DPPA4: variants seen among roughly 807,000 people sequenced by gnomAD.
The protein encoded by DPPA4 is developmental pluripotency associated 4, also known as developmental pluripotency-associated protein 4.
A neutral mutation model predicts 33.7 loss-of-function variants in DPPA4; 22 were observed. The observed-to-expected ratio is 0.65, with a 90% CI of 0.47 to 0.93. DPPA4 has a LOEUF of 0.93. Among genes scored for constraint, DPPA4 ranks in the 40% least tolerant of loss-of-function variants. The pLI is 0.00. For synonymous variants in DPPA4, 156 were observed against 132.3 expected (o/e 1.18, Z -1.23); for missense variants, 340 against 358.6 (o/e 0.95, Z 0.42).
intron 5 of DPPA4, 188 bp downstream of exon 5, chr3:109,330,333 GAAA>G (rs5851663): frequency 4.2e-5 from 17 of 409,548 alleles, no homozygotes; most frequent in East Asian, 7.7e-5. Context: ...AAAAAAAAAG[GAAA>G]AAAAAAAAAG....
At chr3:109,332,475 C>T (rs1708104006) in intron 2 of DPPA4, among the ~76,000 whole-genome samples, 1 of 152,116 alleles carries the variant, frequency 6.6e-6, no homozygotes, top group Non-Finnish European at 1.5e-5. Context: ...AGTTTTATTC[C>T]TAAATTGCCC....
chr3:109,336,108 G>A (rs933253846), intron 1 of DPPA4, among the ~76,000 whole-genome samples: 1 of 151,244 alleles, frequency 6.6e-6, no homozygotes, highest in African/African-American at 2.4e-5. Context: ...AGCCGAGATC[G>A]GCTACTGCAC....
In DPPA4 at chr3:109,328,916, A is replaced by G; in HGVS notation, c.852T>C (p.Asn284=). The G allele has an allele frequency of 6.2e-7, 1 of 1,613,956 alleles. No homozygotes were observed. The highest frequency in any genetic ancestry group is 8.5e-7 in the Non-Finnish European group (1 of 1,179,928). Residue 284 remains asparagine, a synonymous_variant, in exon 6 of 7, where the codon AAT becomes AAC. Transcript: ENST00000335658. ...TGTGAACACATTTGGGGCACAACAT[A>G]TTGTCTTCAAGGTGCGGGGGTGGAA... ...SNFPPPHLED[N]MLCPKCVHRN...
intron 1 of DPPA4, among the ~76,000 whole-genome samples, chr3:109,334,301 C>CTA (rs57838014): frequency 6.6e-6 from 1 of 152,278 alleles, no homozygotes; most frequent in East Asian, 1.9e-4. Context: ...AGTCTGAGTG[C>CTA]TATAGGAGGC....
Position 109,331,719 on chromosome 3 carries a change from C to T in DPPA4, c.390+15G>A. The T allele has an allele frequency of 6.2e-7, 1 of 1,613,006 alleles. No individual in the cohort carries two copies. The highest frequency in any genetic ancestry group is 8.5e-7 in the Non-Finnish European group (1 of 1,179,184). ...TTAGGATAAGCATTGAAACGTCCATCCTTTAAAAAGTTACCTTTTGATTTG... is the reference window on the plus strand; with the variant it reads ...TTAGGATAAGCATTGAAACGTCCATTCTTTAAAAAGTTACCTTTTGATTTG... On this transcript the variant is annotated intron_variant, in intron 4 of 6. Coordinates refer to ENST00000335658, the MANE Select transcript of DPPA4 (RefSeq NM_018189.4).
At chr3:109,339,031 T>TA (rs934750575), upstream of DPPA4, among the ~76,000 whole-genome samples, 8 of 151,454 alleles carry the variant, frequency 5.3e-5, no homozygotes, top group Admixed American at 4.0e-4. Flanking sequence ...CCTTCTCTAC[T>TA]AAAAATGCAA....
At chr3:109,330,453 G>A (rs1307223240) in intron 5 of DPPA4, 71 bp downstream of exon 5, 1 of 1,559,716 alleles carries the variant, frequency 6.4e-7, no homozygotes, top group Non-Finnish European at 8.8e-7. Flanking sequence ...ACCCTAAAAT[G>A]TACCAGTGAT....
chr3:109,330,332 GGA>G lies in DPPA4; in HGVS notation c.679+190_679+191del, dbSNP rs1559707748. 1.7e-4 allele frequency: 55 copies of G among 331,750 alleles called. No individual in the cohort carries two copies. In the African/African-American group the frequency reaches 2.8e-3, roughly 17 times the overall value. The allele number at this position is 331,750 out of a possible 1,614,324, so 20.6% of individuals were successfully genotyped here. ...AAAAAAAAAAAAAAAAAAAAAAAAA[GGA>G]AAAAAAAAAAAGAAATGCAAATAAA... On this transcript the variant is annotated intron_variant, in intron 5 of 6. Coordinates refer to ENST00000335658, the MANE Select transcript of DPPA4 (RefSeq NM_018189.4).
intron 2 of DPPA4, chr3:109,333,374 AAAAAAC>A (rs1708123947): frequency 7.0e-6 from 1 of 142,748 alleles, no homozygotes; most frequent in African/African-American, 2.6e-5. Flanking sequence ...AAAAAAAAAA[AAAAAAC>A]CAGCCTGTAA....
rs1483232084 is a variant in DPPA4 at position 109,330,720 on chromosome 3, A to G, written c.483T>C (p.Ser161=). The change falls in exon 5 of 7, where the codon TCT becomes TCC. Residue 161 remains serine, a synonymous_variant. Transcript: ENST00000335658. ...GAGCCACTTCAGGAGGATGTGTCTC[A>G]GAACTTTGCAGGGACGTTTCCCCCT... ...VEKGETSLQS[S]ETHPPEVALP... The G allele has an allele frequency of 6.2e-7, 1 of 1,614,154 alleles. No individual in the cohort carries two copies. The highest frequency in any genetic ancestry group is 1.1e-5 in the South Asian group (1 of 91,076).
chr3:109,331,253 T>A (rs1363472937), intron 4 of DPPA4, among the ~76,000 whole-genome samples: 3 of 72,286 alleles, frequency 4.2e-5, no homozygotes, highest in Non-Finnish European at 7.1e-5. Context: ...AGAGGGAGAC[T>A]CTGTCTCAAA....
upstream of DPPA4, among the ~76,000 whole-genome samples, chr3:109,339,603 C>CA (rs1708274124): frequency 6.6e-6 from 1 of 151,660 alleles, no homozygotes; most frequent in Admixed American, 6.6e-5. Flanking sequence ...ACCAAAAATA[C>CA]AAAAAATTAC....
Position 109,333,917 on chromosome 3 carries a change from G to A in DPPA4, c.131C>T (p.Thr44Ile). The A allele has an allele frequency of 1.2e-6, 2 of 1,614,062 alleles. No individual in the cohort carries two copies. The highest frequency in any genetic ancestry group is 2.2e-5 in the East Asian group (1 of 44,882). ...TTTTTCTTTGGTTCTCTTTGCTGATGTTCCTGGCAAAGCAATTGAATTTGG... is the reference window on the plus strand; with the variant it reads ...TTTTTCTTTGGTTCTCTTTGCTGATATTCCTGGCAAAGCAATTGAATTTGG... ...NQPNSIALPGTSAKRTKEKMS... is the reference protein window; with the variant it reads ...NQPNSIALPGISAKRTKEKMS... Residue 44 changes from threonine (T) to isoleucine (I), a missense_variant, in exon 2 of 7, where the codon ACA (threonine) becomes ATA (isoleucine). Around this residue, in one of 3 missense-constraint regions of DPPA4, gnomAD observed 96 missense variants for 91.8 expected, o/e 1.05. Transcript: ENST00000335658.
rs1166733858 is a variant in DPPA4 at position 109,326,518 on chromosome 3, T to G, written c.*1470A>C. Reference sequence around the variant, plus strand: ...CAAACCTATTACACCTGTATTATGATGGTTACAAATTTTCCAACTCTTCCA... The same window carrying G: ...CAAACCTATTACACCTGTATTATGAGGGTTACAAATTTTCCAACTCTTCCA... On this transcript the variant is annotated 3_prime_UTR_variant, in exon 7 of 7. Transcript: ENST00000335658. 3 of 152,168 alleles carry G rather than the reference T, an allele frequency of 2.0e-5. No individual in the cohort carries two copies. Among genetic ancestry groups the G allele is most frequent in the Non-Finnish European group, 4.4e-5 (3 of 68,024 alleles). The allele number at this position is 152,168 out of a possible 1,614,324, so 9.4% of individuals were successfully genotyped here. A position where few individuals can be genotyped will look rare whatever the true frequency, so the allele number is the denominator to read the frequency against.
At chr3:109,329,723 C>T (rs909092715) in intron 5 of DPPA4, 5 of 152,518 alleles carry the variant, frequency 3.3e-5, no homozygotes, top group Non-Finnish European at 7.3e-5. Flanking sequence ...AGCAGTTTGT[C>T]TTCTTTTGTT....
upstream of DPPA4, chr3:109,337,654 A>G (rs1295236299): frequency 4.1e-6 from 3 of 728,732 alleles, no homozygotes. Flanking sequence ...ACAATTTGTA[A>G]ATGCTAAAAT....
At chr3:109,335,555 C>A (rs1038973212) in intron 1 of DPPA4, among the ~76,000 whole-genome samples, 1 of 152,000 alleles carries the variant, frequency 6.6e-6, no homozygotes, top group Non-Finnish European at 1.5e-5. Context: ...AGCCTCCCCA[C>A]TAGCTGGAAT....
At chr3:109,332,909 T>C (rs930632528) in intron 2 of DPPA4, among the ~76,000 whole-genome samples, 1 of 151,916 alleles carries the variant, frequency 6.6e-6, no homozygotes, top group Non-Finnish European at 1.5e-5. Flanking sequence ...ATGGTCAACA[T>C]GGTGAAACGC....
At chr3:109,330,424 C>T (rs1708042332) in intron 5 of DPPA4, 100 bp downstream of exon 5, 2 of 1,407,752 alleles carry the variant, frequency 1.4e-6, no homozygotes, top group Non-Finnish European at 2.0e-6. Flanking sequence ...ATCACCGGCC[C>T]TCAAAGGGAT....
Sources: gnomAD v4.1 joint callset for allele counts (sites outside exome capture counted in the v4.1 genomes callset) on GRCh38, gnomAD v4.1.1 for gene constraint, gnomAD v4.1.1 regional missense constraint, MANE v1.5 for transcripts, NCBI Gene and HGNC (gene_info 2026-07-23, HGNC 2026-07-21) for gene names.